The following FCHSD2 variants were observed in gnomAD, a reference collection of about 807,000 sequenced individuals.
FCHSD2 encodes the protein F-BAR and double SH3 domains protein 2.
In FCHSD2, 38 loss-of-function variants were observed where a neutral mutation model predicts 108.1. That is an observed-to-expected ratio of 0.35 (90% CI 0.27 to 0.46). The LOEUF (loss-of-function observed/expected upper bound fraction) is 0.46, where lower values mean the gene tolerates loss of function less well. Ranked by LOEUF, FCHSD2 falls within the 20% of genes least tolerant of loss-of-function variation. FCHSD2 has a pLI of 1.00. For synonymous variants in FCHSD2, 279 were observed against 314.7 expected, an observed-to-expected ratio of 0.89 and a Z score of 1.20; for missense variants, 751 against 897.8, an observed-to-expected ratio of 0.84 and a Z score of 2.09.
intron 8 of FCHSD2, among the ~76,000 whole-genome samples, chr11:72,956,410 G>C (rs1856711939): frequency 6.6e-6 from 1 of 152,172 alleles, no homozygotes; most frequent in South Asian, 2.1e-4. Flanking sequence ...GATATTGGCA[G>C]AGTCTCCCCA....
At chr11:72,927,304 A>C (rs556741002) in intron 8 of FCHSD2, among the ~76,000 whole-genome samples, 1 of 152,348 alleles carries the variant, frequency 6.6e-6, no homozygotes, top group Non-Finnish European at 1.5e-5. Context: ...ATGATACTAC[A>C]ATGGTGGATA....
chr11:73,083,444 G>T (rs983555609), intron 3 of FCHSD2, among the ~76,000 whole-genome samples: 1 of 152,006 alleles, frequency 6.6e-6, no homozygotes, highest in Non-Finnish European at 1.5e-5. Flanking sequence ...AGCTACTCAG[G>T]AGGCTGACAC....
At chr11:72,917,338 G>A (rs557917166) in intron 9 of FCHSD2, among the ~76,000 whole-genome samples, 76 of 152,074 alleles carry the variant, frequency 5.0e-4, no homozygotes, top group Non-Finnish European at 2.1e-4. Flanking sequence ...TTTTTCTGAA[G>A]AGAATATTCT....
At chr11:72,938,046 T>C (rs1223124636) in intron 8 of FCHSD2, among the ~76,000 whole-genome samples, 1 of 152,084 alleles carries the variant, frequency 6.6e-6, no homozygotes, top group African/African-American at 2.4e-5. Context: ...TGAATTGAGA[T>C]AGGAGGAAAG....
In FCHSD2 at chr11:72,989,046, C is replaced by A. The variant is rs1187975439; in HGVS notation, c.439G>T (p.Asp147Tyr). 1 of 1,609,552 alleles carries A rather than the reference C, an allele frequency of 6.2e-7. No individual in the cohort carries two copies. Among genetic ancestry groups the A allele is most frequent in the African/African-American group, 1.3e-5 (1 of 74,992 alleles). ...IQTELQETVKDLAKGKKKYFE... is the reference protein window; with the variant it reads ...IQTELQETVKYLAKGKKKYFE... ...TATTTCTTTTTGCCTTTAGCTAAAT[C>A]TTTCACTGTCTCTTGTAATTCAGTT... The change falls in exon 6 of 20, where the codon GAT becomes TAT. Residue 147 changes from aspartate to tyrosine, a missense_variant. By Grantham distance (160) the Asp-to-Tyr change is radical (BLOSUM62 -3). Transcript: ENST00000409418.
intron 8 of FCHSD2, among the ~76,000 whole-genome samples, chr11:72,951,323 A>G (rs549695587): frequency 7.9e-5 from 12 of 152,310 alleles, no homozygotes; most frequent in African/African-American, 2.6e-4. Flanking sequence ...CAGTGATGAA[A>G]CAGATGCTGC....
rs895544311 is a variant in FCHSD2, at chr11:72,885,060, G to C, written c.1146+2410C>G. ...GCAAATGATATACAGGCAGAAGAAA[G>C]GAAAAGGGTATGTGCAGAAACCATT... is the stretch of plus-strand genomic sequence containing the variant. On this transcript the variant is annotated intron_variant, in intron 12 of 19. Coordinates refer to ENST00000409418, the MANE Select transcript of FCHSD2 (RefSeq NM_014824.3). Among the ~76,000 whole-genome samples, 8 of 152,242 alleles carry C rather than the reference G, an allele frequency of 5.3e-5. No individual in the cohort carries two copies. In the South Asian group the frequency reaches 1.2e-3, roughly 24 times the overall value.
At chr11:73,129,816 C>G (rs1312241681) in intron 2 of FCHSD2, among the ~76,000 whole-genome samples, 1 of 151,696 alleles carries the variant, frequency 6.6e-6, no homozygotes, top group African/African-American at 2.4e-5. Flanking sequence ...CTGCTGTAAA[C>G]TAGCACTTGT....
intron 8 of FCHSD2, among the ~76,000 whole-genome samples, chr11:72,932,785 T>A (rs893154645): frequency 9.9e-5 from 15 of 152,176 alleles, no homozygotes; most frequent in African/African-American, 3.6e-4. Flanking sequence ...TCTGTCTGTT[T>A]ACCATTCCAT....
At chr11:72,948,671 CT>C (rs11400132) in intron 8 of FCHSD2, among the ~76,000 whole-genome samples, 13 of 146,058 alleles carry the variant, frequency 8.9e-5, no homozygotes, top group Non-Finnish European at 9.0e-5. Context: ...ATTTTCATTT[CT>C]TTTTTTTTTT....
intron 5 of FCHSD2, among the ~76,000 whole-genome samples, chr11:72,993,004 A>G (rs1304460351): frequency 1.3e-5 from 2 of 152,192 alleles, no homozygotes; most frequent in Admixed American, 6.5e-5. Flanking sequence ...TTTGCAATCT[A>G]CTCATCTGAC....
At chr11:73,028,171 A>C (rs1219008935) in intron 3 of FCHSD2, among the ~76,000 whole-genome samples, 1 of 152,008 alleles carries the variant, frequency 6.6e-6, no homozygotes, top group Non-Finnish European at 1.5e-5. Context: ...ACCTCACACC[A>C]TGTACCTGGA....
In FCHSD2 at chr11:73,049,319, A is replaced by C. The variant is rs150900658; in HGVS notation, c.166-33434T>G. Among the ~76,000 whole-genome samples the C allele has an allele frequency of 5.1e-3, 782 of 152,224 alleles. 6 individuals are homozygous for C. The highest frequency in any genetic ancestry group is 0.018 in the African/African-American group (760 of 41,536). ...CAGAAACTGTCTCATACCCACAACA[A>C]TATTAAATTTGGTTCTGATTTCTGT... On this transcript the variant is annotated intron_variant, in intron 3 of 19. Transcript: ENST00000409418.
Position 72,989,033 on chromosome 11 carries a change from C to A in FCHSD2, c.452G>T (p.Gly151Val), listed in dbSNP as rs1211625843. 5 of 1,610,924 alleles carry A rather than the reference C, an allele frequency of 3.1e-6. 1 individual carries two copies. In the South Asian group the frequency reaches 5.5e-5, roughly 18 times the overall value. Residue 151 changes from glycine (G) to valine (V), a missense_variant, in exon 6 of 20, where the codon GGC (glycine) becomes GTC (valine). Coordinates refer to ENST00000409418, the MANE Select transcript of FCHSD2 (RefSeq NM_014824.3). ...LQETVKDLAK[G>V]KKKYFETEQM... ...TTCAGTCTCAAAGTATTTCTTTTTG[C>A]CTTTAGCTAAATCTTTCACTGTCTC...
At chr11:73,100,345 T>C (rs1001472180) in intron 2 of FCHSD2, among the ~76,000 whole-genome samples, 12 of 149,756 alleles carry the variant, frequency 8.0e-5, no homozygotes, top group African/African-American at 3.0e-4. Context: ...TTGTTGTTGT[T>C]GTTGTTGTTG....
chr11:73,071,254 C>T (rs1309633802), intron 3 of FCHSD2, among the ~76,000 whole-genome samples: 3 of 152,148 alleles, frequency 2.0e-5, no homozygotes, highest in Admixed American at 6.5e-5. Flanking sequence ...ATTCAATTCA[C>T]GTGCATACAC....
At chr11:73,140,827 CG>C in intron 1 of FCHSD2, among the ~76,000 whole-genome samples, 1 of 152,328 alleles carries the variant, frequency 6.6e-6, no homozygotes, top group African/African-American at 2.4e-5. Context: ...CCCGCCAGGC[CG>C]GGGCCCCAGG....
intron 2 of FCHSD2, among the ~76,000 whole-genome samples, chr11:73,096,083 G>A (rs1252030516): frequency 6.6e-6 from 1 of 151,822 alleles, no homozygotes; most frequent in Non-Finnish European, 1.5e-5. Flanking sequence ...CATAAAGGAA[G>A]AAGGAACGAG....
At chr11:72,986,850 A>G (rs759506625) in intron 6 of FCHSD2, among the ~76,000 whole-genome samples, 5 of 152,206 alleles carry the variant, frequency 3.3e-5, no homozygotes, top group Non-Finnish European at 7.4e-5. Flanking sequence ...CAAACACTAC[A>G]CAAATAATGA....
Sources: allele counts gnomAD v4.1 joint callset (sites outside exome capture counted in the v4.1 genomes callset), GRCh38; gene constraint gnomAD v4.1.1; transcripts MANE v1.5; gene names NCBI Gene and HGNC (gene_info 2026-07-23, HGNC 2026-07-21).